Variants in TP63 observed in about 807,000 individuals in gnomAD.
TP63 encodes the protein tumor protein 63.
Under a neutral mutation model 82.8 loss-of-function variants are expected in TP63, and 17 were observed. That is an observed-to-expected ratio of 0.21 (90% CI 0.14 to 0.31). The LOEUF is 0.31. Ranked by LOEUF, TP63 falls within the 10% of genes least tolerant of loss-of-function variation. The pLI is 1.00. For synonymous variants in TP63, 330 were observed against 321.7 expected (o/e 1.03, Z -0.28); for missense variants, 648 against 895.3 (o/e 0.72, Z 3.52).
intron 1 of TP63, among the ~76,000 whole-genome samples, chr3:189,692,400 C>T (rs1717005668): frequency 1.3e-5 from 2 of 151,560 alleles, no homozygotes; most frequent in African/African-American, 4.9e-5. Flanking sequence ...CGTCTTCTTT[C>T]CTTTTTTCTT....
chr3:189,866,546 T>G, intron 5 of TP63, 136 bp from the exon 6 acceptor site: 1 of 778,722 alleles, frequency 1.3e-6, no homozygotes, highest in South Asian at 1.6e-5. Context: ...GATCTGTTCG[T>G]TTCTTCAAGG....
At position 189,838,588 on chromosome 3, in the gene TP63, A is replaced by T. The variant is rs556771754; in HGVS notation, c.580-25644A>T. ...TTAAATCTCTCCCCAAGCACCCCCT[A>T]CACCTACCCCCAGCCAACACAGATG... On this transcript the variant is annotated intron_variant, in intron 4 of 13. Coordinates refer to ENST00000264731, the MANE Select transcript of TP63 (RefSeq NM_003722.5). 2.0e-5 allele frequency among the ~76,000 whole-genome samples: 3 copies of T among 152,148 alleles called. No homozygotes were observed. The East Asian group carries it at 5.8e-4, about 29-fold the overall frequency.
chr3:189,883,480 C>T (rs1720139555), intron 10 of TP63, among the ~76,000 whole-genome samples: 1 of 152,148 alleles, frequency 6.6e-6, no homozygotes, highest in Non-Finnish European at 1.5e-5. Context: ...CCACTTCCTC[C>T]TATTAATTCT....
At chr3:189,864,461 G>A in intron 5 of TP63, 43 bp downstream of exon 5, 2 of 1,577,336 alleles carry the variant, frequency 1.3e-6, no homozygotes, top group Non-Finnish European at 1.7e-6. Context: ...CTCCTTGAAG[G>A]TCAAGATTCT....
At chr3:189,834,545 A>G (rs1205671068) in intron 4 of TP63, among the ~76,000 whole-genome samples, 1 of 152,204 alleles carries the variant, frequency 6.6e-6, no homozygotes, top group Non-Finnish European at 1.5e-5. Context: ...AAGAAAAGAA[A>G]ATACGTTACT....
intron 3 of TP63, among the ~76,000 whole-genome samples, chr3:189,750,462 A>C (rs1003666000): frequency 6.6e-6 from 1 of 152,210 alleles, no homozygotes; most frequent in Non-Finnish European, 1.5e-5. Flanking sequence ...AAAGTACATA[A>C]AGGAGAGGAC....
chr3:189,838,370 T>C (rs184031907), intron 4 of TP63, among the ~76,000 whole-genome samples: 1 of 152,332 alleles, frequency 6.6e-6, no homozygotes, highest in Non-Finnish European at 1.5e-5. Context: ...TCTAACTCTA[T>C]GGCACAACTA....
intron 4 of TP63, among the ~76,000 whole-genome samples, chr3:189,837,187 G>C (rs985969137): frequency 6.6e-6 from 1 of 150,564 alleles, no homozygotes; most frequent in Non-Finnish European, 1.5e-5. Context: ...CCTGTCTCCT[G>C]CTACTTCCTC....
chr3:189,879,846 A>G (rs1336941121), intron 10 of TP63, among the ~76,000 whole-genome samples: 2 of 152,218 alleles, frequency 1.3e-5, no homozygotes, highest in African/African-American at 2.4e-5. Context: ...CTGGTTAACT[A>G]CTATAGCCTT....
chr3:189,808,766 C>A (rs564019643), intron 4 of TP63, among the ~76,000 whole-genome samples: 1 of 152,348 alleles, frequency 6.6e-6, no homozygotes, highest in East Asian at 1.9e-4. Context: ...TCAGTGTGTT[C>A]CTGCCTGCTT....
At chr3:189,620,859 G>A in the TP63 span, among the ~76,000 whole-genome samples, 656 of 152,294 alleles carry the variant, frequency 4.3e-3, 4 homozygotes, top group African/African-American at 0.015. Flanking sequence ...TTTCATGATG[G>A]CCATTTTTTT....
At chr3:189,740,502 G>T (rs1029422470) in intron 3 of TP63, among the ~76,000 whole-genome samples, 4 of 151,904 alleles carry the variant, frequency 2.6e-5, no homozygotes, top group African/African-American at 9.7e-5. Context: ...TTTGTTTTTT[G>T]ATTTTTGTTT....
intron 3 of TP63, among the ~76,000 whole-genome samples, chr3:189,764,423 A>G (rs1191495707): frequency 6.6e-6 from 1 of 152,146 alleles, no homozygotes; most frequent in Non-Finnish European, 1.5e-5. Flanking sequence ...TTCATCAGGT[A>G]AAAGGTAAAA....
chr3:189,612,282 G>T, the TP63 span, among the ~76,000 whole-genome samples: 4 of 152,122 alleles, frequency 2.6e-5, no homozygotes, highest in African/African-American at 9.7e-5. Context: ...GCACCGAGAA[G>T]AAGGTTACTG....
chr3:189,725,648 G>T (rs532188040), intron 1 of TP63, among the ~76,000 whole-genome samples: 1 of 152,194 alleles, frequency 6.6e-6, no homozygotes, highest in East Asian at 1.9e-4. Flanking sequence ...GGCAGATGGT[G>T]GGGGAGGAAA....
intron 12 of TP63, among the ~76,000 whole-genome samples, chr3:189,890,516 C>G (rs1004358552): frequency 6.6e-6 from 1 of 152,180 alleles, no homozygotes; most frequent in Non-Finnish European, 1.5e-5. Context: ...AGGACACTTA[C>G]ACAGAACCCT....
chr3:189,719,631 C>T (rs1410500853), intron 1 of TP63, among the ~76,000 whole-genome samples: 8 of 152,254 alleles, frequency 5.3e-5, no homozygotes, highest in Middle Eastern at 6.8e-3. Context: ...TCAGCTCTGC[C>T]GTCGCAGGTT....
At chr3:189,709,086 C>T (rs1321226528) in intron 1 of TP63, among the ~76,000 whole-genome samples, 1 of 152,140 alleles carries the variant, frequency 6.6e-6, no homozygotes, top group African/African-American at 2.4e-5. Flanking sequence ...CACTTTTAAT[C>T]CATTATCTTA....
the TP63 span, among the ~76,000 whole-genome samples, chr3:189,598,691 G>C: frequency 6.6e-6 from 1 of 152,238 alleles, no homozygotes; most frequent in African/African-American, 2.4e-5. Context: ...GAACCAGAGG[G>C]CTGGGACTAA....
Sources: allele counts gnomAD v4.1 joint callset (sites outside exome capture counted in the v4.1 genomes callset), GRCh38; gene constraint gnomAD v4.1.1; transcripts MANE v1.5; gene names NCBI Gene and HGNC (gene_info 2026-07-23, HGNC 2026-07-21).